The following ELP1 variants were observed in gnomAD, a reference collection of about 807,000 sequenced individuals.
The protein encoded by ELP1 is elongator complex protein 1.
A neutral mutation model predicts 183.2 loss-of-function variants in ELP1; 131 were observed. The ratio of observed to expected loss-of-function variants is 0.72; its 90% CI spans 0.62 to 0.83. ELP1 has a LOEUF of 0.83. ELP1 is among the 40% of genes least tolerant of loss of function. ELP1 has a pLI of 0.00. For synonymous variants in ELP1, 555 were observed against 569.0 expected, an observed-to-expected ratio of 0.98 and a Z score of 0.35; for missense variants, 1,550 against 1,594.9, an observed-to-expected ratio of 0.97 and a Z score of 0.48.
intron 22 of ELP1, among the ~76,000 whole-genome samples, 169 bp downstream of exon 22, chr9:108,898,333 T>A (rs1828633411): frequency 6.6e-6 from 1 of 152,158 alleles, no homozygotes. Context: ...ACAGGCTGTT[T>A]TAAAAAGAAC....
chr9:108,874,299 A>G (rs1436816875), intron 36 of ELP1, among the ~76,000 whole-genome samples: 3 of 152,240 alleles, frequency 2.0e-5, no homozygotes, highest in Non-Finnish European at 4.4e-5. Flanking sequence ...TTTCTAACCA[A>G]CTTTCAAAAG....
At position 108,879,470 on chromosome 9, in the gene ELP1, G is replaced by A. The variant is rs1441814020; in HGVS notation, c.3548C>T (p.Ser1183Phe). The A allele has an allele frequency of 1.9e-6, 3 of 1,613,402 alleles. No individual in the cohort carries two copies. The highest frequency in any genetic ancestry group is 2.5e-6 in the Non-Finnish European group (3 of 1,179,352). The change falls in exon 33 of 37, where the codon TCC becomes TTC. Residue 1183 changes from serine (S) to phenylalanine (F), a missense_variant. By Grantham distance (155) the Ser-to-Phe change is radical. Transcript: ENST00000374647. ...VSGSEMSGKY[S>F]HSNSRISARS... ...CGCTGATATCCTGGAGTTACTATGG[G>A]AGTATTTGCCACTCATCTCACTGCC...
intron 36 of ELP1, among the ~76,000 whole-genome samples, chr9:108,872,775 C>A (rs974466703): frequency 7.8e-6 from 1 of 128,822 alleles, no homozygotes; most frequent in Non-Finnish European, 1.6e-5. Context: ...ACTGCACTCC[C>A]GCCTGGGCCA....
intron 36 of ELP1, 52 bp from the exon 37 acceptor site, chr9:108,869,234 G>A (rs886951129): frequency 6.7e-7 from 1 of 1,486,996 alleles, no homozygotes; most frequent in African/African-American, 1.4e-5. Context: ...TTGTTGGAGG[G>A]CGCTGAGGCA....
At chr9:108,890,616 C>T (rs1039551462) in intron 28 of ELP1, among the ~76,000 whole-genome samples, 2 of 152,174 alleles carry the variant, frequency 1.3e-5, no homozygotes, top group African/African-American at 4.8e-5. Context: ...TCGGGCAACC[C>T]TTGTCCCTGA....
Position 108,929,768 on chromosome 9 carries a change from C to T in ELP1, c.303+1G>A, listed in dbSNP as rs1157693787. On this transcript the variant is annotated splice_donor_variant, in intron 3 of 36. Transcript: ENST00000374647. LOFTEE classifies it high-confidence loss of function. Reference sequence around the variant, plus strand: ...CCCCCTCACTGGAGTCTTCCACTTACCTGTTGTGTGCTGAGACTGCAGAGT... The same window carrying T: ...CCCCCTCACTGGAGTCTTCCACTTATCTGTTGTGTGCTGAGACTGCAGAGT... 2 of 1,614,084 alleles carry T rather than the reference C, an allele frequency of 1.2e-6. No individual in the cohort carries two copies. Among genetic ancestry groups the T allele is most frequent in the Non-Finnish European group, 1.7e-6 (2 of 1,180,022 alleles).
Position 108,882,293 on chromosome 9 carries a change from G to A in ELP1, c.3223-106C>T. 8.0e-6 allele frequency: 7 copies of A among 872,008 alleles called. No homozygotes were observed. The South Asian group carries it at 9.6e-5, about 12-fold the overall frequency. The allele number at this position is 872,008 out of a possible 1,614,324, so 54.0% of individuals were successfully genotyped here. On this transcript the variant is annotated intron_variant, in intron 29 of 36. Transcript: ENST00000374647. ...GACCTGCCTCTATCTCCCTGGCCAGGGGAGAACTCCTAGTTCTCAACATCA... is the reference window on the plus strand; with the variant it reads ...GACCTGCCTCTATCTCCCTGGCCAGAGGAGAACTCCTAGTTCTCAACATCA...
chr9:108,891,315 C>T lies in ELP1; in HGVS notation c.3048G>A (p.Glu1016=). 6.2e-7 allele frequency: 1 copy of T among 1,614,188 alleles called. No individual in the cohort carries two copies. Among genetic ancestry groups the T allele is most frequent in the Non-Finnish European group, 8.5e-7 (1 of 1,180,028 alleles). ...GLMFARCGAH[E]KALSAFLTCG... ...ATGTCAGAAAGGCTGAGAGAGCTTT[C>T]TCGTGGGCACCGCAACGGGCAAACA... Residue 1016 remains glutamate (E), a synonymous_variant, in exon 28 of 37, where the codon GAG becomes GAA. Transcript: ENST00000374647.
intron 18 of ELP1, among the ~76,000 whole-genome samples, chr9:108,900,858 CCACACACACATACACGCCA>C (rs1828767352): frequency 1.9e-4 from 3 of 16,146 alleles, no homozygotes; most frequent in African/African-American, 8.7e-4. Flanking sequence ...CACATACACG[CCACACACACATACACGCCA>C]CACACACATA....
chr9:108,878,275 T>A, intron 34 of ELP1, 126 bp from the exon 35 acceptor site: 1 of 789,584 alleles, frequency 1.3e-6, no homozygotes, highest in Non-Finnish European at 2.1e-6. Flanking sequence ...TCCCACATTA[T>A]CTTTTTTCTT....
At position 108,918,891 on chromosome 9, in the gene ELP1, C is replaced by T; in HGVS notation, c.660G>A (p.Lys220=). The part of the protein sequence containing the change: ...SVVCPETGAR[K]VRVWNREFAL... The stretch of plus-strand genomic sequence containing the variant: ...CAAACTCTCGGTTCCACACTCTGAC[C>T]TTCCGAGCCCCTGTGCGGGAGTGGA... The change falls in exon 8 of 37, where the codon AAG becomes AAA. Residue 220 remains lysine (K), a synonymous_variant. Transcript: ENST00000374647. The T allele has an allele frequency of 6.2e-7, 1 of 1,614,020 alleles. No individual in the cohort carries two copies. The highest frequency in any genetic ancestry group is 1.3e-5 in the African/African-American group (1 of 75,054).
intron 30 of ELP1, 54 bp from the exon 31 acceptor site, chr9:108,881,819 G>T: frequency 8.5e-6 from 9 of 1,053,106 alleles, no homozygotes; most frequent in African/African-American, 1.6e-5. Flanking sequence ...TCACTGGAGA[G>T]TTAAGATACT....
rs1171973605 is a variant in ELP1, at chr9:108,927,374, G to A, written c.383C>T (p.Thr128Ile). The change falls in exon 4 of 37, where the codon ACA (threonine) becomes ATA (isoleucine). Residue 128 changes from threonine to isoleucine, a missense_variant and splice_region_variant. Thr to Ile is a moderately conservative substitution (Grantham distance 89). Transcript: ENST00000374647. ...TGAGGCACCAGTAACAAGCTTACCT[G>A]TGGCAAGAAGCACCAGCTCTTGGTC... ...SPDQELVLLATGQQTLIMMTK... is the reference protein window; with the variant it reads ...SPDQELVLLAIGQQTLIMMTK... 4 of 1,612,198 alleles carry A rather than the reference G, an allele frequency of 2.5e-6. No individual in the cohort carries two copies. The highest frequency in any genetic ancestry group is 3.4e-6 in the Non-Finnish European group (4 of 1,178,288).
At chr9:108,895,796 C>T (rs1222321575) in intron 25 of ELP1, among the ~76,000 whole-genome samples, 1 of 152,044 alleles carries the variant, frequency 6.6e-6, no homozygotes, top group African/African-American at 2.4e-5. Flanking sequence ...AGCAAATGTA[C>T]CAACATAGGA....
At chr9:108,909,683 T>C (rs1340012648) in intron 12 of ELP1, among the ~76,000 whole-genome samples, 2 of 152,234 alleles carry the variant, frequency 1.3e-5, no homozygotes, top group African/African-American at 4.8e-5. Flanking sequence ...TCTTGCTAGC[T>C]CCTGCCTGGA....
intron 1 of ELP1, among the ~76,000 whole-genome samples, chr9:108,933,039 A>T (rs1200286563): frequency 1.3e-5 from 2 of 152,222 alleles, no homozygotes; most frequent in East Asian, 3.9e-4. Flanking sequence ...CAATACGCTG[A>T]TTAGGCCTAA....
Position 108,889,359 on chromosome 9 carries a change from C to G in ELP1, c.3195G>C (p.Ala1065=). 5 of 1,614,112 alleles carry G rather than the reference C, an allele frequency of 3.1e-6. No individual in the cohort carries two copies. Among genetic ancestry groups the G allele is most frequent in the Non-Finnish European group, 4.2e-6 (5 of 1,179,990 alleles). ...GGGCACACTCTTCCAAAACCATGGCCGCATCAATGTGCTTCCTCTGCTCAA... is the reference window on the plus strand; with the variant it reads ...GGGCACACTCTTCCAAAACCATGGCGGCATCAATGTGCTTCCTCTGCTCAA... ...KLVEQRKHID[A]AMVLEECAQD... is the part of the protein sequence containing the mutation. The change falls in exon 29 of 37, where the codon GCG becomes GCC. Residue 1065 remains alanine (A), a synonymous_variant. Transcript: ENST00000374647.
intron 35 of ELP1, among the ~76,000 whole-genome samples, chr9:108,877,794 A>T (rs927744605): frequency 3.3e-5 from 5 of 152,244 alleles, no homozygotes; most frequent in Admixed American, 2.6e-4. Flanking sequence ...ATGACAGTCC[A>T]TTTAACCTAT....
intron 1 of ELP1, among the ~76,000 whole-genome samples, chr9:108,933,276 A>T (rs1830058842): frequency 6.6e-6 from 1 of 152,186 alleles, no homozygotes; most frequent in African/African-American, 2.4e-5. Context: ...CTTACTCTTC[A>T]TACGGATCTA....
Sources: gnomAD v4.1 joint callset for allele counts (sites outside exome capture counted in the v4.1 genomes callset) on GRCh38, gnomAD v4.1.1 for gene constraint, MANE v1.5 for transcripts, NCBI Gene and HGNC (gene_info 2026-07-23, HGNC 2026-07-21) for gene names.